Variants in NKAIN3 observed in about 807,000 individuals in gnomAD.
NKAIN3 encodes sodium/potassium-transporting ATPase subunit beta-1-interacting protein 3.
NKAIN3 carries 25 observed loss-of-function variants against 30.2 expected under a neutral mutation model. The ratio of observed to expected loss-of-function variants is 0.83; its 90% confidence interval spans 0.60 to 1.16. The LOEUF is 1.16. Among genes scored for constraint, NKAIN3 ranks in the 50% most tolerant of loss-of-function variants. The probability of loss-of-function intolerance (pLI) is 0.00; values close to 1 mark genes in which losing one functional copy is unlikely to be tolerated. For missense variants in NKAIN3, 225 were observed against 254.1 expected (o/e 0.89, Z 0.78); for synonymous variants, 91 against 89.6 (o/e 1.02, Z -0.09).
At chr8:62,521,763 A>G (rs941119249) in intron 1 of NKAIN3, among the ~76,000 whole-genome samples, 4 of 152,210 alleles carry the variant, frequency 2.6e-5, no homozygotes, top group African/African-American at 9.6e-5. Context: ...GGGGCTGTCA[A>G]TTCAAGAAAG....
At chr8:62,362,742 C>T (rs1274960672) in intron 1 of NKAIN3, among the ~76,000 whole-genome samples, 1 of 152,170 alleles carries the variant, frequency 6.6e-6, no homozygotes, top group South Asian at 2.1e-4. Flanking sequence ...ATCAGGCAGC[C>T]CCCAGAATCA....
chr8:62,531,046 CAT>C (rs560112779), intron 1 of NKAIN3, among the ~76,000 whole-genome samples: 34 of 152,282 alleles, frequency 2.2e-4, no homozygotes, highest in African/African-American at 7.0e-4. Context: ...GCATAATGTT[CAT>C]ATGTTTTCTC....
intron 3 of NKAIN3, among the ~76,000 whole-genome samples, chr8:62,599,176 A>G (rs1810919186): frequency 6.6e-6 from 1 of 152,082 alleles, no homozygotes; most frequent in African/African-American, 2.4e-5. Context: ...CAGCCTCCAG[A>G]TATTCCCTTT....
chr8:62,467,939 T>C (rs2129599861), intron 1 of NKAIN3, among the ~76,000 whole-genome samples: 1 of 152,100 alleles, frequency 6.6e-6, no homozygotes, highest in East Asian at 1.9e-4. Flanking sequence ...CTGGCTAATT[T>C]TTTTGCATTT....
chr8:62,526,031 C>A lies in NKAIN3; in HGVS notation c.55-53508C>A, dbSNP rs191053480. Among the ~76,000 whole-genome samples the A allele has an allele frequency of 3.9e-5, 6 of 152,138 alleles. No homozygotes were observed. The East Asian group carries it at 1.2e-3, about 29-fold the overall frequency. ...ATACCCAGGTTTATGGGAGCGGATC[C>A]CATCTGGAAGATTGTATCTGGTACA... On this transcript the variant is annotated intron_variant, in intron 1 of 6. Transcript: ENST00000623646.
At chr8:62,944,218 A>C (rs189684573) in intron 5 of NKAIN3, among the ~76,000 whole-genome samples, 2 of 152,230 alleles carry the variant, frequency 1.3e-5, no homozygotes, top group African/African-American at 4.8e-5. Flanking sequence ...TCATAAATCA[A>C]GTAGATCTAT....
At chr8:62,609,360 C>A (rs965397777) in intron 3 of NKAIN3, among the ~76,000 whole-genome samples, 2 of 152,106 alleles carry the variant, frequency 1.3e-5, no homozygotes, top group African/African-American at 4.8e-5. Flanking sequence ...ATTGTACTTG[C>A]TGGAAAATGT....
chr8:62,859,581 A>G (rs1037029373), intron 4 of NKAIN3, among the ~76,000 whole-genome samples: 2 of 150,856 alleles, frequency 1.3e-5, no homozygotes, highest in African/African-American at 4.9e-5. Context: ...TTTAACCAAA[A>G]CCACATAAAT....
intron 5 of NKAIN3, among the ~76,000 whole-genome samples, chr8:62,933,870 C>T (rs1018948482): frequency 6.6e-6 from 1 of 152,118 alleles, no homozygotes; most frequent in African/African-American, 2.4e-5. Context: ...ACACAAAGGC[C>T]TCAGCCACCA....
chr8:62,274,796 C>T (rs1812882919), intron 1 of NKAIN3, among the ~76,000 whole-genome samples: 1 of 147,122 alleles, frequency 6.8e-6, no homozygotes, highest in Admixed American at 7.1e-5. Flanking sequence ...CTTCCTGTGT[C>T]CATGTGTTCT....
intron 1 of NKAIN3, among the ~76,000 whole-genome samples, chr8:62,507,763 T>A (rs1039348572): frequency 5.3e-5 from 8 of 152,174 alleles, no homozygotes; most frequent in Admixed American, 1.3e-4. Context: ...GATTAAAAGC[T>A]TTCCTTATGG....
At chr8:62,577,250 T>C (rs1480478037) in intron 1 of NKAIN3, among the ~76,000 whole-genome samples, 2 of 152,042 alleles carry the variant, frequency 1.3e-5, no homozygotes, top group Non-Finnish European at 2.9e-5. Context: ...TATTAATAAA[T>C]AGAGAGAGTG....
intron 1 of NKAIN3, among the ~76,000 whole-genome samples, chr8:62,272,723 A>G (rs115222225): frequency 1.0e-3 from 152 of 152,298 alleles, no homozygotes; most frequent in African/African-American, 3.5e-3. Flanking sequence ...AAGGTGAGGC[A>G]TTCAGAACTC....
rs142391000 is a variant in NKAIN3, at chr8:62,683,141, C to A, written c.274-63791C>A. ...CTCCACCTCCTGGGTTCATGCCATT[C>A]TCCTTCCCCAGCATCCTGAGTAGCT... On this transcript the variant is annotated intron_variant, in intron 3 of 6. Coordinates refer to ENST00000623646, the MANE Select transcript of NKAIN3 (RefSeq NM_001304533.3). Among the ~76,000 whole-genome samples, 879 of 152,284 alleles carry A rather than the reference C, an allele frequency of 5.8e-3. 8 individuals carry two copies. The highest frequency in any genetic ancestry group is 0.02 in the African/African-American group (840 of 41,554).
At chr8:62,423,769 A>G (rs1036792752) in intron 1 of NKAIN3, among the ~76,000 whole-genome samples, 5 of 151,950 alleles carry the variant, frequency 3.3e-5, no homozygotes, top group Admixed American at 3.3e-4. Flanking sequence ...ATTTCCAACT[A>G]ATACCTTTTT....
intron 1 of NKAIN3, among the ~76,000 whole-genome samples, chr8:62,534,000 G>T (rs1323267634): frequency 6.6e-6 from 1 of 152,160 alleles, no homozygotes; most frequent in Non-Finnish European, 1.5e-5. Flanking sequence ...GTCTCCGGCT[G>T]ACTTCAGACG....
intron 3 of NKAIN3, among the ~76,000 whole-genome samples, chr8:62,689,878 A>T (rs1307420027): frequency 6.6e-6 from 1 of 151,964 alleles, no homozygotes; most frequent in African/African-American, 2.4e-5. Flanking sequence ...AAATTACATC[A>T]TATCTCAGTT....
intron 5 of NKAIN3, among the ~76,000 whole-genome samples, chr8:62,922,285 C>T (rs1822303855): frequency 6.6e-6 from 1 of 152,176 alleles, no homozygotes; most frequent in African/African-American, 2.4e-5. Flanking sequence ...ATTTACCTGT[C>T]TGCCCATGAA....
chr8:62,619,322 TA>T, intron 3 of NKAIN3, among the ~76,000 whole-genome samples: 1 of 152,256 alleles, frequency 6.6e-6, no homozygotes, highest in East Asian at 1.9e-4. Context: ...TGATAAGAAA[TA>T]TTTACAGTCT....
Sources: gnomAD v4.1 joint callset for allele counts (sites outside exome capture counted in the v4.1 genomes callset) on GRCh38, gnomAD v4.1.1 for gene constraint, MANE v1.5 for transcripts, NCBI Gene and HGNC (gene_info 2026-07-23, HGNC 2026-07-21) for gene names.